The following NUP35 variants were observed in gnomAD, a reference collection of about 807,000 sequenced individuals.
NUP35 encodes the protein nucleoporin NUP35.
NUP35 carries 25 observed loss-of-function variants against 41.5 expected under a neutral mutation model. The ratio of observed to expected loss-of-function variants is 0.60; its 90% confidence interval spans 0.44 to 0.84. The LOEUF is 0.84. Ranked by LOEUF, NUP35 falls within the 40% of genes least tolerant of loss-of-function variation. NUP35 has a pLI of 0.00. For missense variants in NUP35, 396 were observed against 396.6 expected (o/e 1.00, Z 0.01); for synonymous variants, 149 against 130.7 (o/e 1.14, Z -0.96).
At chr2:183,122,323 G>A (rs564270842), upstream of NUP35, among the ~76,000 whole-genome samples, 2 of 152,120 alleles carry the variant, frequency 1.3e-5, no homozygotes, top group South Asian at 2.1e-4. Flanking sequence ...TGATCCGCCC[G>A]CCTTGGCCTC....
chr2:183,161,024 A>G (rs1685855861), intron 8 of NUP35, 30 bp from the exon 9 acceptor site: 1 of 1,544,300 alleles, frequency 6.5e-7, no homozygotes, highest in South Asian at 1.1e-5. Context: ...CAATAACCTA[A>G]CCGTTTTTTT....
At chr2:183,120,445 CAAAAAAAAAAA>C (rs3029530), upstream of NUP35, among the ~76,000 whole-genome samples, 1 of 118,298 alleles carries the variant, frequency 8.5e-6, no homozygotes, top group African/African-American at 3.2e-5. Context: ...GACTCCGTCT[CAAAAAAAAAAA>C]AAAAAAAGAA....
chr2:183,138,473 C>CTG (rs1304567717), intron 4 of NUP35, among the ~76,000 whole-genome samples: 1 of 151,562 alleles, frequency 6.6e-6, no homozygotes, highest in African/African-American at 2.4e-5. Flanking sequence ...CATTCTGTAA[C>CTG]TGATGTTAAG....
At chr2:183,158,231 G>A (rs1685742081) in intron 6 of NUP35, 52 bp from the exon 7 acceptor site, 1 of 1,237,118 alleles carries the variant, frequency 8.1e-7, no homozygotes, top group Non-Finnish European at 1.1e-6. Context: ...GAATTCATTA[G>A]ATGTAGATTT....
At chr2:183,120,220 C>T (rs1397565618), upstream of NUP35, 1 of 152,252 alleles carries the variant, frequency 6.6e-6, no homozygotes, top group African/African-American at 2.4e-5. Flanking sequence ...CCAAATCTGA[C>T]AGATCACTTG....
chr2:183,143,655 T>A (rs896863225), intron 4 of NUP35, among the ~76,000 whole-genome samples: 11 of 152,270 alleles, frequency 7.2e-5, no homozygotes, highest in Admixed American at 3.3e-4. Context: ...ATTGGGAAAG[T>A]GAGAGTTATC....
chr2:183,157,219 G>A (rs1685695484), intron 5 of NUP35, among the ~76,000 whole-genome samples: 1 of 152,132 alleles, frequency 6.6e-6, no homozygotes, highest in South Asian at 2.1e-4. Context: ...TAGAATCTGA[G>A]GATGGAGAAG....
At chr2:183,118,826 G>A (rs1375201186) in intron 1 of NUP35, 3 of 152,218 alleles carry the variant, frequency 2.0e-5, no homozygotes, top group Non-Finnish European at 4.4e-5. Context: ...TGGAGGACAA[G>A]TGCCCCATTT....
chr2:183,160,933 T>A (rs1685851336), intron 8 of NUP35, 121 bp from the exon 9 acceptor site: 1 of 684,856 alleles, frequency 1.5e-6, no homozygotes, highest in Non-Finnish European at 2.5e-6. Flanking sequence ...ATACAAAAAT[T>A]TACAATTTAG....
intron 7 of NUP35, among the ~76,000 whole-genome samples, chr2:183,159,156 C>T (rs4666893): frequency 0.82 from 124,597 of 152,116 alleles, 51,789 homozygotes; most frequent in East Asian, 0.99. Context: ...CTAAATAGCA[C>T]TGGAGTTTGA....
At chr2:183,131,585 A>G (rs1473547707) in intron 3 of NUP35, among the ~76,000 whole-genome samples, 26 of 152,314 alleles carry the variant, frequency 1.7e-4, no homozygotes, top group Admixed American at 1.3e-3. Context: ...ACACTTCTAG[A>G]CCTGCCTTCC....
intron 1 of NUP35, among the ~76,000 whole-genome samples, chr2:183,119,139 A>G (rs1700031815): frequency 6.6e-6 from 1 of 152,120 alleles, no homozygotes; most frequent in African/African-American, 2.4e-5. Flanking sequence ...AGGTGTTTCT[A>G]TCTACTGGGA....
chr2:183,124,130 G>A (rs1290434749), upstream of NUP35, among the ~76,000 whole-genome samples: 1 of 152,144 alleles, frequency 6.6e-6, no homozygotes, highest in Non-Finnish European at 1.5e-5. Flanking sequence ...GTCAACTCAC[G>A]CTAATTATGA....
intron 1 of NUP35, among the ~76,000 whole-genome samples, chr2:183,118,116 A>G (rs1178886564): frequency 6.6e-6 from 1 of 152,164 alleles, no homozygotes; most frequent in African/African-American, 2.4e-5. Flanking sequence ...CTCCCCACCT[A>G]AGTTTGATAA....
chr2:183,157,311 AG>A (rs1685699506), intron 5 of NUP35, 132 bp from the exon 6 acceptor site: 1 of 709,194 alleles, frequency 1.4e-6, no homozygotes, highest in Non-Finnish European at 2.5e-6. Context: ...CGGGGAAAAC[AG>A]GATGATCAGC....
rs756943624 is a variant in NUP35 at position 183,130,488 on chromosome 2, A to G, written c.282A>G (p.Ile94Met). ...DKSGAPPVRSIYDDISSPGLG... is the reference protein window; with the variant it reads ...DKSGAPPVRSMYDDISSPGLG... ...GTGGCGCTCCACCAGTTAGAAGTAT[A>G]TATGATGACATTTCTAGCCCAGGAC... Residue 94 changes from isoleucine to methionine, a missense_variant, in exon 3 of 9, where the codon ATA (isoleucine) becomes ATG (methionine). Ile to Met is a conservative substitution (Grantham distance 10, BLOSUM62 1). Coordinates refer to ENST00000295119, the MANE Select transcript of NUP35 (RefSeq NM_138285.5). 5.0e-6 allele frequency: 8 copies of G among 1,612,074 alleles called. No individual in the cohort carries two copies. Among genetic ancestry groups the G allele is most frequent in the Middle Eastern group, 3.3e-4 (2 of 6,078 alleles).
intron 4 of NUP35, among the ~76,000 whole-genome samples, chr2:183,149,171 C>T (rs191833913): frequency 6.6e-5 from 10 of 152,178 alleles, no homozygotes; most frequent in African/African-American, 1.4e-4. Context: ...ATGACTCATG[C>T]GCATTGACCT....
chr2:183,134,011 A>G (rs1684790341), intron 4 of NUP35, among the ~76,000 whole-genome samples: 1 of 152,204 alleles, frequency 6.6e-6, no homozygotes, highest in African/African-American at 2.4e-5. Context: ...TGGAATTGGG[A>G]TGAAAAGGAA....
chr2:183,161,133 A>G lies in NUP35; in HGVS notation c.*2A>G, dbSNP rs1685862473. On this transcript the variant is annotated 3_prime_UTR_variant, in exon 9 of 9. Coordinates refer to ENST00000295119, the MANE Select transcript of NUP35 (RefSeq NM_138285.5). ...ATGGAGTACATGTTTGGCTGGTAGT[A>G]GAACACCAAGAAGGAGGTTGCTACA... The G allele has an allele frequency of 6.2e-7, 1 of 1,609,204 alleles. No homozygotes were observed. Among genetic ancestry groups the G allele is most frequent in the Non-Finnish European group, 8.5e-7 (1 of 1,176,168 alleles).
Sources: allele counts gnomAD v4.1 joint callset (sites outside exome capture counted in the v4.1 genomes callset), GRCh38; gene constraint gnomAD v4.1.1; transcripts MANE v1.5; gene names NCBI Gene and HGNC (gene_info 2026-07-23, HGNC 2026-07-21).